The following ELAC1 variants were observed in gnomAD, a reference collection of about 807,000 sequenced individuals.
ELAC1 encodes elaC ribonuclease Z 1, also known as zinc phosphodiesterase ELAC protein 1.
In ELAC1, 19 loss-of-function variants were observed where a neutral mutation model predicts 25.8. That is an observed-to-expected ratio of 0.74 (90% confidence interval 0.51 to 1.08). ELAC1 has a LOEUF of 1.08. Ranked by LOEUF, ELAC1 falls within the 50% of genes least tolerant of loss-of-function variation. The pLI, the probability that ELAC1 is intolerant of heterozygous loss-of-function variation, is 0.00. For missense variants in ELAC1, 403 were observed against 434.6 expected, an observed-to-expected ratio of 0.93 and a Z score of 0.65; for synonymous variants, 148 against 160.9, an observed-to-expected ratio of 0.92 and a Z score of 0.61.
At chr18:50,985,076 A>G (rs551929085) in intron 3 of ELAC1, among the ~76,000 whole-genome samples, 77 of 152,304 alleles carry the variant, frequency 5.1e-4, no homozygotes, top group Non-Finnish European at 7.5e-4. Context: ...GCAAAACCCA[A>G]GTATACATTT....
In ELAC1 at chr18:50,968,076, G is replaced by C. The variant is rs1353290857; in HGVS notation, c.-47G>C. ...GACAGCTGGGCCAGGGTGCGGGCCT[G>C]CGCCTCCCTCGGCTCCTGGCGCGGG... On this transcript the variant is annotated 5_prime_UTR_variant, in exon 1 of 4. Transcript: ENST00000269466. The C allele has an allele frequency of 6.6e-6, 1 of 152,044 alleles. No homozygotes were observed. The highest frequency in any genetic ancestry group is 2.4e-5 in the African/African-American group (1 of 41,412). The allele number at this position is 152,044 out of a possible 1,614,324, so 9.4% of individuals were successfully genotyped here. A position where few individuals can be genotyped will look rare whatever the true frequency, so the allele number is the denominator to read the frequency against.
At chr18:50,981,035 G>C (rs1445673468) in intron 2 of ELAC1, among the ~76,000 whole-genome samples, 2 of 152,028 alleles carry the variant, frequency 1.3e-5, no homozygotes, top group African/African-American at 4.8e-5. Flanking sequence ...CTCATGACCA[G>C]ATAATGTACA....
At chr18:50,970,122 T>G (rs371815786) in intron 1 of ELAC1, among the ~76,000 whole-genome samples, 6 of 152,312 alleles carry the variant, frequency 3.9e-5, no homozygotes, top group African/African-American at 1.4e-4. Flanking sequence ...CCACCATGCC[T>G]GGCTAATTTT....
At chr18:50,978,650 A>G (rs929211205) in intron 2 of ELAC1, among the ~76,000 whole-genome samples, 1 of 151,944 alleles carries the variant, frequency 6.6e-6, no homozygotes, top group African/African-American at 2.4e-5. Context: ...CACTGTGTAT[A>G]TGTGTGTGTG....
chr18:50,984,559 C>A lies in ELAC1; in HGVS notation c.621C>A (p.Asp207Glu). The A allele has an allele frequency of 6.2e-7, 1 of 1,606,940 alleles. No homozygotes were observed. Among genetic ancestry groups the A allele is most frequent in the South Asian group, 1.1e-5 (1 of 89,808 alleles). ...AACTCAATGCACAGAAACTTAAAGA[C>A]CTTGGTAAGTGTTTTTTTGTTTTTT... ...PGKLNAQKLK[D>E]LGVPPGPAYG... Residue 207 changes from aspartate to glutamate, a missense_variant, in exon 3 of 4, where the codon GAC becomes GAA. By Grantham distance (45) the Asp-to-Glu change is conservative. Transcript: ENST00000269466.
Position 50,987,032 on chromosome 18 carries a change from G to C in ELAC1, c.1039G>C (p.Glu347Gln), listed in dbSNP as rs768675252. 3.1e-6 allele frequency: 5 copies of C among 1,596,090 alleles called. 1 individual carries two copies. The highest frequency in any genetic ancestry group is 4.3e-6 in the Non-Finnish European group (5 of 1,172,498). ...KQAESVLDLQ[E>Q]VTLAEDFMVI... is the part of the protein sequence containing the mutation. ...AGCTGAATCAGTGTTAGATCTCCAA[G>C]AAGTGACTCTAGCAGAAGATTTTAT... Residue 347 changes from glutamate (E) to glutamine (Q), a missense_variant, in exon 4 of 4, where the codon GAA becomes CAA. Glu to Gln is a conservative substitution (Grantham distance 29, BLOSUM62 2). Coordinates refer to ENST00000269466, the MANE Select transcript of ELAC1 (RefSeq NM_018696.3).
At chr18:50,983,155 GT>G (rs552455433) in intron 2 of ELAC1, among the ~76,000 whole-genome samples, 218 of 60,860 alleles carry the variant, frequency 3.6e-3, no homozygotes, top group Middle Eastern at 0.013. Flanking sequence ...TTTACTTGGT[GT>G]TTTTTTTTTT....
Position 50,984,084 on chromosome 18 carries a change from C to G in ELAC1, c.158-12C>G, listed in dbSNP as rs1192486676. The G allele has an allele frequency of 1.9e-6, 3 of 1,549,654 alleles. No individual in the cohort carries two copies. Among genetic ancestry groups the G allele is most frequent in the Admixed American group, 2.0e-5 (1 of 49,266 alleles). ...AAAATTTCCAAACGTATTTCTCTAT[C>G]TCAATCAAAAGGGAGAATTACCAAG... is the stretch of plus-strand genomic sequence containing the variant. On this transcript the variant is annotated splice_polypyrimidine_tract_variant and intron_variant, in intron 2 of 3. Transcript: ENST00000269466.
chr18:50,987,961 C>A lies in ELAC1; in HGVS notation c.*876C>A, dbSNP rs963659073. On this transcript the variant is annotated 3_prime_UTR_variant, in exon 4 of 4. Coordinates refer to ENST00000269466, the MANE Select transcript of ELAC1 (RefSeq NM_018696.3). ...GTGGAATTACTAGGTAAGTCAAATC[C>A]TAAAGAGTGAATGTGTTAGAATTGC... The A allele has an allele frequency of 1.3e-5, 2 of 152,034 alleles. No homozygotes were observed. Among genetic ancestry groups the A allele is most frequent in the African/African-American group, 4.8e-5 (2 of 41,384 alleles). The allele number at this position is 152,034 out of a possible 1,614,324, so 9.4% of individuals were successfully genotyped here. A position where few individuals can be genotyped will look rare whatever the true frequency, so the allele number is the denominator to read the frequency against.
At chr18:50,986,104 C>A (rs539051614) in intron 3 of ELAC1, among the ~76,000 whole-genome samples, 3 of 138,850 alleles carry the variant, frequency 2.2e-5, no homozygotes, top group African/African-American at 8.0e-5. Flanking sequence ...ACTGCAACTT[C>A]TGCCCCCTGG....
chr18:50,984,007 G>T, intron 2 of ELAC1, 89 bp from the exon 3 acceptor site: 1 of 760,450 alleles, frequency 1.3e-6, no homozygotes, highest in African/African-American at 1.8e-5. Context: ...TATTTTTAAT[G>T]TAAATTGTTA....
Position 50,988,020 on chromosome 18 carries a change from G to A in ELAC1, c.*935G>A, listed in dbSNP as rs1364511338. On this transcript the variant is annotated 3_prime_UTR_variant, in exon 4 of 4. Coordinates refer to ENST00000269466, the MANE Select transcript of ELAC1 (RefSeq NM_018696.3). ...ACCAAATAACATTCAAAAGAAATGA[G>A]CCATTAAGTGAAGCTTATGAACCTG... is the stretch of plus-strand genomic sequence containing the variant. 1 of 152,142 alleles carries A rather than the reference G, an allele frequency of 6.6e-6. No homozygotes were observed. Among genetic ancestry groups the A allele is most frequent in the Non-Finnish European group, 1.5e-5 (1 of 68,014 alleles). 9.4% of individuals were successfully genotyped at this position (152,142 alleles called of 1,614,324 possible).
chr18:50,986,495 G>A, intron 3 of ELAC1, 124 bp from the exon 4 acceptor site: 1 of 769,124 alleles, frequency 1.3e-6, no homozygotes, highest in Non-Finnish European at 2.1e-6. Flanking sequence ...TCCACAAGTA[G>A]TAAAACATTT....
At position 50,984,354 on chromosome 18, in the gene ELAC1, C is replaced by T. The variant is rs745589685; in HGVS notation, c.416C>T (p.Ala139Val). The T allele has an allele frequency of 1.4e-5, 22 of 1,614,038 alleles. No individual in the cohort carries two copies. Among genetic ancestry groups the T allele is most frequent in the Middle Eastern group, 1.6e-4 (1 of 6,084 alleles). Residue 139 changes from alanine to valine, a missense_variant, in exon 3 of 4, where the codon GCG (alanine) becomes GTG (valine). Ala to Val is a moderately conservative substitution (Grantham distance 64). Coordinates refer to ENST00000269466, the MANE Select transcript of ELAC1 (RefSeq NM_018696.3). ...QCPAEELKEF[A>V]HVNRADSPPK... is the part of the protein sequence containing the mutation. ...CCTGCAGAAGAACTAAAAGAATTTG[C>T]GCATGTGAATAGAGCAGACAGTCCT...
intron 2 of ELAC1, among the ~76,000 whole-genome samples, chr18:50,977,863 C>A (rs965829582): frequency 4.6e-5 from 7 of 152,188 alleles, no homozygotes; most frequent in African/African-American, 1.4e-4. Flanking sequence ...ACCCAAGTTA[C>A]TTCTTGAATG....
chr18:50,979,227 CATTT>C (rs1481069963), intron 2 of ELAC1, among the ~76,000 whole-genome samples: 1 of 152,138 alleles, frequency 6.6e-6, no homozygotes, highest in Non-Finnish European at 1.5e-5. Context: ...GGCTTATTTG[CATTT>C]ATTATCTCCT....
chr18:50,976,282 G>A (rs954921756), intron 2 of ELAC1, among the ~76,000 whole-genome samples: 1 of 152,110 alleles, frequency 6.6e-6, no homozygotes. Flanking sequence ...CAGTTCACTT[G>A]TATCAGTTCA....
chr18:50,975,112 A>G (rs1267342152), intron 2 of ELAC1, among the ~76,000 whole-genome samples: 1 of 152,188 alleles, frequency 6.6e-6, no homozygotes, highest in African/African-American at 2.4e-5. Context: ...TCCAGTGGTG[A>G]AAAGCTTCAG....
rs116292059 is a variant in ELAC1 at position 50,985,021 on chromosome 18, T to C, written c.625+458T>C. 7.4e-3 allele frequency among the ~76,000 whole-genome samples: 1,130 copies of C among 152,242 alleles called. 18 individuals carry two copies. Among genetic ancestry groups the C allele is most frequent in the African/African-American group, 0.026 (1,077 of 41,538 alleles). ...TCCACTTAGTCCCTTTGTCCAAAGT[T>C]TGCTTATTAAGGAAAATCCATGGGG... On this transcript the variant is annotated intron_variant, in intron 3 of 3. Transcript: ENST00000269466.
Sources: allele counts gnomAD v4.1 joint callset (sites outside exome capture counted in the v4.1 genomes callset), GRCh38; gene constraint gnomAD v4.1.1; transcripts MANE v1.5; gene names NCBI Gene and HGNC (gene_info 2026-07-23, HGNC 2026-07-21).